SNTG1: variants seen among roughly 807,000 people sequenced by gnomAD.
SNTG1 encodes the protein gamma-1-syntrophin.
In SNTG1, 39 loss-of-function variants were observed where a neutral mutation model predicts 74.7. The observed-to-expected ratio is 0.52, with a 90% CI of 0.40 to 0.68. The LOEUF (loss-of-function observed/expected upper bound fraction) is 0.68, where lower values mean the gene tolerates loss of function less well. Ranked by LOEUF, SNTG1 falls within the 30% of genes least tolerant of loss-of-function variation. SNTG1 has a pLI of 0.00. For missense variants in SNTG1, 685 were observed against 609.5 expected, an observed-to-expected ratio of 1.12 and a Z score of -1.30; for synonymous variants, 254 against 217.1, an observed-to-expected ratio of 1.17 and a Z score of -1.49.
chr8:50,190,713 T>A (rs1448014074), intron 2 of SNTG1, among the ~76,000 whole-genome samples: 2 of 152,146 alleles, frequency 1.3e-5, no homozygotes, highest in Non-Finnish European at 2.9e-5. Context: ...GCAGAACCTT[T>A]GAAAGCCATT....
chr8:50,102,639 C>T (rs2131243844), intron 1 of SNTG1, among the ~76,000 whole-genome samples: 1 of 149,188 alleles, frequency 6.7e-6, no homozygotes, highest in South Asian at 2.1e-4. Context: ...TTGCCCATGC[C>T]TATGTCCTGA....
intron 1 of SNTG1, among the ~76,000 whole-genome samples, chr8:50,100,792 T>A (rs1361283179): frequency 1.3e-5 from 2 of 152,064 alleles, no homozygotes; most frequent in African/African-American, 4.8e-5. Context: ...TTTTAAAAAA[T>A]TATTTTAGGT....
chr8:50,520,933 A>G (rs2094174355), intron 9 of SNTG1, among the ~76,000 whole-genome samples: 2 of 152,172 alleles, frequency 1.3e-5, no homozygotes, highest in African/African-American at 4.8e-5. Flanking sequence ...TATATACCCA[A>G]AGGAATATAA....
chr8:50,159,875 G>A (rs2082363169), intron 1 of SNTG1, among the ~76,000 whole-genome samples: 1 of 152,038 alleles, frequency 6.6e-6, no homozygotes, highest in African/African-American at 2.4e-5. Flanking sequence ...ATCTTGTTCT[G>A]GAGTACCACC....
chr8:49,958,749 A>G (rs566039042), intron 1 of SNTG1, among the ~76,000 whole-genome samples: 3 of 152,318 alleles, frequency 2.0e-5, no homozygotes, highest in East Asian at 1.9e-4. Flanking sequence ...AGAATTTACT[A>G]CTATGAAATG....
intron 2 of SNTG1, among the ~76,000 whole-genome samples, chr8:50,353,206 G>A (rs552892724): frequency 1.4e-5 from 2 of 143,880 alleles, no homozygotes; most frequent in South Asian, 2.3e-4. Flanking sequence ...ATTGATCAAT[G>A]AGAACACATG....
chr8:49,928,542 G>A (rs903048609), intron 1 of SNTG1, among the ~76,000 whole-genome samples: 5 of 151,974 alleles, frequency 3.3e-5, no homozygotes, highest in Non-Finnish European at 5.9e-5. Context: ...GAGATTCTTA[G>A]ACTGTAATAA....
intron 9 of SNTG1, among the ~76,000 whole-genome samples, chr8:50,513,886 G>T (rs1472554798): frequency 6.6e-6 from 1 of 152,162 alleles, no homozygotes; most frequent in Non-Finnish European, 1.5e-5. Context: ...GCCTCGCCCT[G>T]CTTCAGCTCA....
chr8:50,133,014 A>G (rs573613687), intron 1 of SNTG1, among the ~76,000 whole-genome samples: 8 of 152,306 alleles, frequency 5.3e-5, no homozygotes, highest in East Asian at 1.9e-4. Context: ...GAGATTTTCC[A>G]TATCAACAAG....
chr8:50,776,527 AT>A (rs2095641400), intron 18 of SNTG1, among the ~76,000 whole-genome samples: 1 of 147,958 alleles, frequency 6.8e-6, no homozygotes, highest in Non-Finnish European at 1.5e-5. Context: ...TATATTTCAT[AT>A]TTTATACTAT....
chr8:49,937,489 T>C (rs147255789), intron 1 of SNTG1, among the ~76,000 whole-genome samples: 46 of 152,352 alleles, frequency 3.0e-4, no homozygotes, highest in African/African-American at 9.4e-4. Context: ...TGGCTTTTTA[T>C]TTGTACTGTT....
intron 1 of SNTG1, among the ~76,000 whole-genome samples, chr8:49,922,229 T>C (rs1050066110): frequency 9.9e-5 from 15 of 152,184 alleles, no homozygotes; most frequent in Non-Finnish European, 1.6e-4. Context: ...TTTTGTCTGA[T>C]ACTCAAATTT....
At chr8:50,648,517 A>G (rs2095124591) in intron 13 of SNTG1, among the ~76,000 whole-genome samples, 2 of 152,196 alleles carry the variant, frequency 1.3e-5, no homozygotes, top group East Asian at 3.8e-4. Flanking sequence ...ATAATTTACA[A>G]TAACTAAAAT....
At chr8:50,727,536 G>A (rs1483263683) in intron 17 of SNTG1, among the ~76,000 whole-genome samples, 1 of 152,080 alleles carries the variant, frequency 6.6e-6, no homozygotes, top group Non-Finnish European at 1.5e-5. Flanking sequence ...GGCCCATCCA[G>A]GTGCATTTTG....
intron 1 of SNTG1, among the ~76,000 whole-genome samples, chr8:50,164,888 A>G (rs2082558582): frequency 6.6e-6 from 1 of 152,208 alleles, no homozygotes; most frequent in Admixed American, 6.5e-5. Flanking sequence ...TCTTCTGAAT[A>G]TTACTCTAAC....
chr8:50,734,991 C>A (rs960062837), intron 17 of SNTG1, among the ~76,000 whole-genome samples: 2 of 144,080 alleles, frequency 1.4e-5, no homozygotes, highest in African/African-American at 5.1e-5. Flanking sequence ...ATATATATGT[C>A]CATATATATA....
chr8:50,656,913 T>C lies in SNTG1; in HGVS notation c.854T>C (p.Val285Ala), dbSNP rs1450853902. The change falls in exon 14 of 19, where the codon GTC becomes GCC. Residue 285 changes from valine (V) to alanine (A), a missense_variant. Transcript: ENST00000642720. ...NRNFPVNQQI[V>A]YMGWCEAREQ... is the part of the protein sequence containing the mutation. Reference sequence around the variant, plus strand: ...TTGTATTCCATTTTCTTGCAGATTGTCTACATGGGCTGGTGTGAAGCCCGG... The same window carrying C: ...TTGTATTCCATTTTCTTGCAGATTGCCTACATGGGCTGGTGTGAAGCCCGG... 4 of 1,603,196 alleles carry C rather than the reference T, an allele frequency of 2.5e-6. No homozygotes were observed. In the South Asian group the frequency reaches 4.5e-5, roughly 18 times the overall value.
chr8:50,025,570 A>G (rs184253593), intron 1 of SNTG1, among the ~76,000 whole-genome samples: 6 of 152,290 alleles, frequency 3.9e-5, no homozygotes, highest in African/African-American at 9.6e-5. Flanking sequence ...AAGAAGATAG[A>G]TAGGGAAAGA....
intron 2 of SNTG1, among the ~76,000 whole-genome samples, chr8:50,377,413 G>T (rs984657579): frequency 6.6e-6 from 1 of 152,074 alleles, no homozygotes; most frequent in African/African-American, 2.4e-5. Context: ...TTGCAAAATA[G>T]GGTATTCTTC....
Sources: gnomAD v4.1 joint callset for allele counts (sites outside exome capture counted in the v4.1 genomes callset) on GRCh38, gnomAD v4.1.1 for gene constraint, MANE v1.5 for transcripts, NCBI Gene and HGNC (gene_info 2026-07-23, HGNC 2026-07-21) for gene names.